Variants in GPD2 observed in about 807,000 individuals in gnomAD.
GPD2 encodes the protein glycerol-3-phosphate dehydrogenase, mitochondrial.
A neutral mutation model predicts 82.4 loss-of-function variants in GPD2; 54 were observed. The observed-to-expected ratio is 0.66, with a 90% confidence interval of 0.53 to 0.82. GPD2 has a LOEUF of 0.82. Among genes scored for constraint, GPD2 ranks in the 40% least tolerant of loss-of-function variants. GPD2 has a pLI of 0.00. For missense variants in GPD2, 748 were observed against 896.2 expected, an observed-to-expected ratio of 0.83 and a Z score of 2.11; for synonymous variants, 288 against 306.1, an observed-to-expected ratio of 0.94 and a Z score of 0.62.
At position 156,586,153 on chromosome 2, in the gene GPD2, T is replaced by C. The variant is rs1454637445; in HGVS notation, c.*3235T>C. The C allele has an allele frequency of 6.6e-6, 1 of 152,466 alleles. No individual in the cohort carries two copies. Among genetic ancestry groups the C allele is most frequent in the East Asian group, 1.9e-4 (1 of 5,180 alleles). 9.4% of individuals were successfully genotyped at this position (152,466 alleles called of 1,614,324 possible). A position where few individuals can be genotyped will look rare whatever the true frequency, so the allele number is the denominator to read the frequency against. The stretch of plus-strand genomic sequence containing the variant: ...GAATCAATAAAACTGATTAAAATGG[T>C]CTATTTGCTAGCATTTTGATGTTAC... On this transcript the variant is annotated 3_prime_UTR_variant, in exon 17 of 17. Coordinates refer to ENST00000438166, the MANE Select transcript of GPD2 (RefSeq NM_000408.5).
At chr2:156,462,190 TG>T (rs1305833095) in intron 1 of GPD2, among the ~76,000 whole-genome samples, 1 of 152,212 alleles carries the variant, frequency 6.6e-6, no homozygotes, top group East Asian at 1.9e-4. Context: ...CAAGATAATG[TG>T]GATCTATTCA....
At chr2:156,579,964 A>G (rs1687971034) in intron 16 of GPD2, among the ~76,000 whole-genome samples, 176 bp downstream of exon 16, 1 of 152,230 alleles carries the variant, frequency 6.6e-6, no homozygotes, top group Admixed American at 6.5e-5. Context: ...GTAAGGCTCT[A>G]CTGTGGTGCA....
At chr2:156,480,018 C>T (rs1361194826) in intron 2 of GPD2, among the ~76,000 whole-genome samples, 4 of 152,104 alleles carry the variant, frequency 2.6e-5, no homozygotes, top group Non-Finnish European at 5.9e-5. Context: ...TTTTTTAGAT[C>T]AAGTTGATTG....
chr2:156,559,740 A>G (rs1687100133), intron 9 of GPD2, among the ~76,000 whole-genome samples: 1 of 152,212 alleles, frequency 6.6e-6, no homozygotes, highest in Non-Finnish European at 1.5e-5. Context: ...TATCATTGAA[A>G]TCCATGTGTG....
chr2:156,466,813 T>C (rs2105185287), intron 1 of GPD2, among the ~76,000 whole-genome samples: 1 of 152,340 alleles, frequency 6.6e-6, no homozygotes, highest in Non-Finnish European at 1.5e-5. Context: ...ATTGACCTTA[T>C]TTTCTCCTTC....
chr2:156,549,161 TTAGA>T (rs1434524139), intron 6 of GPD2, among the ~76,000 whole-genome samples: 8 of 152,338 alleles, frequency 5.3e-5, no homozygotes, highest in South Asian at 2.1e-4. Flanking sequence ...ATTTTGAATA[TTAGA>T]TAGAGCACAT....
chr2:156,526,101 T>A (rs1685595931), intron 6 of GPD2, among the ~76,000 whole-genome samples: 1 of 152,178 alleles, frequency 6.6e-6, no homozygotes. Flanking sequence ...GGCCACAAAA[T>A]TTTAAAAGGT....
At chr2:156,574,339 T>G (rs779034335) in intron 13 of GPD2, among the ~76,000 whole-genome samples, 9 of 152,164 alleles carry the variant, frequency 5.9e-5, no homozygotes, top group Non-Finnish European at 1.0e-4. Flanking sequence ...TTAGTGCAAT[T>G]GCAATTAGAA....
chr2:156,579,629 G>C, intron 15 of GPD2, 61 bp from the exon 16 acceptor site: 2 of 876,502 alleles, frequency 2.3e-6, no homozygotes, highest in Admixed American at 1.8e-5. Context: ...TCCTTGCCCA[G>C]CCAAAGCATA....
chr2:156,492,710 G>A (rs905072128), intron 2 of GPD2, among the ~76,000 whole-genome samples: 3 of 152,240 alleles, frequency 2.0e-5, no homozygotes, highest in Middle Eastern at 6.8e-3. Flanking sequence ...AGAGGTAGCA[G>A]TGGAGATGAA....
chr2:156,579,552 G>A (rs777046814), intron 15 of GPD2, 138 bp from the exon 16 acceptor site: 19 of 626,294 alleles, frequency 3.0e-5, no homozygotes, highest in Non-Finnish European at 5.0e-5. Flanking sequence ...GGCTGGTCTC[G>A]AACTCCTGAC....
In GPD2 at chr2:156,529,739, A is replaced by T. The variant is rs1471644492; in HGVS notation, c.661+16243A>T. Among the ~76,000 whole-genome samples, 4 of 151,026 alleles carry T rather than the reference A, an allele frequency of 2.6e-5. No homozygotes were observed. The East Asian group carries it at 7.9e-4, about 30-fold the overall frequency. On this transcript the variant is annotated intron_variant, in intron 6 of 16. Coordinates refer to ENST00000438166, the MANE Select transcript of GPD2 (RefSeq NM_000408.5). ...GTTTTTCTCAGGTTTGTCAAAGATC[A>T]GATAGTTGTAGATATGTGGCGTTAT...
At chr2:156,417,896 A>G in the GPD2 span, among the ~76,000 whole-genome samples, 1 of 152,194 alleles carries the variant, frequency 6.6e-6, no homozygotes, top group East Asian at 1.9e-4. Context: ...AAAAATAAAG[A>G]ATAACAAGTA....
intron 2 of GPD2, among the ~76,000 whole-genome samples, chr2:156,484,173 C>T (rs1224393204): frequency 1.3e-5 from 2 of 152,030 alleles, no homozygotes; most frequent in Non-Finnish European, 1.5e-5. Context: ...CTCACTGTGT[C>T]ACCCAGGCTG....
At chr2:156,475,951 C>CA in intron 1 of GPD2, 147 bp from the exon 2 acceptor site, 1 of 610,906 alleles carries the variant, frequency 1.6e-6, no homozygotes, top group Non-Finnish European at 2.9e-6. Flanking sequence ...TTGCAGTATA[C>CA]ACATTGGTTT....
intron 1 of GPD2, among the ~76,000 whole-genome samples, chr2:156,446,970 A>C (rs1682389560): frequency 6.6e-6 from 1 of 152,130 alleles, no homozygotes; most frequent in Non-Finnish European, 1.5e-5. Flanking sequence ...CTTGACTTAG[A>C]GGTGGTTATC....
intron 2 of GPD2, among the ~76,000 whole-genome samples, chr2:156,493,740 T>A (rs776947475): frequency 2.4e-4 from 37 of 152,142 alleles, no homozygotes; most frequent in Non-Finnish European, 4.6e-4. Context: ...ATCTTTCTGA[T>A]GTGTGAAAAT....
chr2:156,470,713 C>T (rs1313276377), intron 1 of GPD2, among the ~76,000 whole-genome samples: 1 of 152,134 alleles, frequency 6.6e-6, no homozygotes, highest in Non-Finnish European at 1.5e-5. Context: ...CAGGGACTTA[C>T]ATGAAATAGG....
At position 156,583,394 on chromosome 2, in the gene GPD2, G is replaced by A. The variant is rs1688100573; in HGVS notation, c.*476G>A. 1.1e-5 allele frequency: 2 copies of A among 178,756 alleles called. No homozygotes were observed. Among genetic ancestry groups the A allele is most frequent in the African/African-American group, 4.8e-5 (2 of 41,774 alleles). The allele number at this position is 178,756 out of a possible 1,614,324, so 11.1% of individuals were successfully genotyped here. A position where few individuals can be genotyped will look rare whatever the true frequency, so the allele number is the denominator to read the frequency against. ...TAGACAGCATGTGTTATTAAAAAGAGTTACCTATTGAAATGATAGTGTTTC... is the reference window on the plus strand; with the variant it reads ...TAGACAGCATGTGTTATTAAAAAGAATTACCTATTGAAATGATAGTGTTTC... On this transcript the variant is annotated 3_prime_UTR_variant, in exon 17 of 17. Transcript: ENST00000438166.
Sources: allele counts gnomAD v4.1 joint callset (sites outside exome capture counted in the v4.1 genomes callset), GRCh38; gene constraint gnomAD v4.1.1; transcripts MANE v1.5; gene names NCBI Gene and HGNC (gene_info 2026-07-23, HGNC 2026-07-21).